Variants in RPSA2 observed in about 807,000 individuals in gnomAD.
The protein encoded by RPSA2 is ribosomal protein SA 2, also known as small ribosomal subunit protein uS2B.
the RPSA2 span, chr19:23,827,282 A>T: frequency 8.3e-6 from 9 of 1,079,436 alleles, no homozygotes; most frequent in African/African-American, 1.2e-4. Context: ...CATCTATAAA[A>T]GGAAAAGTGA....
the RPSA2 span, among the ~76,000 whole-genome samples, chr19:23,800,215 T>TTC: frequency 1.5e-5 from 1 of 68,700 alleles, no homozygotes; most frequent in Non-Finnish European, 3.3e-5. Context: ...TTTTATTTTT[T>TTC]TTTATTTTAG....
the RPSA2 span, among the ~76,000 whole-genome samples, chr19:23,867,829 CAAAAA>C: frequency 3.3e-5 from 4 of 121,366 alleles, no homozygotes; most frequent in South Asian, 2.9e-4. Flanking sequence ...GACTCCGTCT[CAAAAA>C]AAAAAAAAAA....
At chr19:23,815,699 T>G in the RPSA2 span, among the ~76,000 whole-genome samples, 1 of 152,220 alleles carries the variant, frequency 6.6e-6, no homozygotes, top group African/African-American at 2.4e-5. Context: ...TTTGTTTTCT[T>G]GTTGATTTTT....
chr19:23,821,533 C>A, the RPSA2 span, among the ~76,000 whole-genome samples: 8 of 152,200 alleles, frequency 5.3e-5, no homozygotes, highest in African/African-American at 1.9e-4. Flanking sequence ...ACCATGGGCT[C>A]CTGGGGGCCT....
chr19:23,813,563 A>G, the RPSA2 span, among the ~76,000 whole-genome samples: 1 of 152,066 alleles, frequency 6.6e-6, no homozygotes, highest in African/African-American at 2.4e-5. Context: ...ATAATATTCC[A>G]TTGTATCAAA....
the RPSA2 span, among the ~76,000 whole-genome samples, chr19:23,858,282 G>T: frequency 4.0e-5 from 6 of 149,420 alleles, no homozygotes; most frequent in South Asian, 6.6e-4. Context: ...TGGGTGATGA[G>T]AAATTACTTA....
At chr19:23,854,345 A>G in the RPSA2 span, among the ~76,000 whole-genome samples, 1 of 152,196 alleles carries the variant, frequency 6.6e-6, no homozygotes, top group African/African-American at 2.4e-5. Flanking sequence ...GGTACTACAG[A>G]GATCTACTGC....
the RPSA2 span, among the ~76,000 whole-genome samples, chr19:23,761,928 T>TTC: frequency 1.8e-5 from 1 of 54,298 alleles, no homozygotes; most frequent in Non-Finnish European, 3.3e-5. Flanking sequence ...TTCTTTTTTT[T>TTC]TTTTTTTGAG....
At chr19:23,831,596 G>A in the RPSA2 span, 1 of 168,428 alleles carries the variant, frequency 5.9e-6, no homozygotes, top group Non-Finnish European at 1.4e-5. Context: ...TATTTTTTTA[G>A]GTATATGCCC....
the RPSA2 span, among the ~76,000 whole-genome samples, chr19:23,828,731 G>C: frequency 6.6e-6 from 1 of 151,888 alleles, no homozygotes; most frequent in Non-Finnish European, 1.5e-5. Flanking sequence ...TTCTGATGTT[G>C]TTGAGGAGTG....
the RPSA2 span, among the ~76,000 whole-genome samples, chr19:23,791,104 A>G: frequency 5.9e-5 from 9 of 152,350 alleles, no homozygotes; most frequent in African/African-American, 2.2e-4. Flanking sequence ...ACTCAGGGTT[A>G]TTAAAAATGT....
the RPSA2 span, among the ~76,000 whole-genome samples, chr19:23,794,654 T>C: frequency 1.3e-5 from 2 of 152,348 alleles, no homozygotes; most frequent in East Asian, 1.9e-4. Context: ...ACTGTGTTGA[T>C]AGTTTCCTTT....
chr19:23,843,208 C>A, the RPSA2 span: 2 of 254,096 alleles, frequency 7.9e-6, no homozygotes, highest in South Asian at 4.5e-5. Context: ...CTGATCTGAT[C>A]TCCTGCCTTG....
chr19:23,863,778 C>A, the RPSA2 span, among the ~76,000 whole-genome samples: 2 of 152,150 alleles, frequency 1.3e-5, no homozygotes, highest in Non-Finnish European at 2.9e-5. Context: ...ATGAAATAAT[C>A]TCTAAACATA....
At chr19:23,854,938 A>G in the RPSA2 span, among the ~76,000 whole-genome samples, 2 of 152,204 alleles carry the variant, frequency 1.3e-5, no homozygotes, top group Non-Finnish European at 2.9e-5. Context: ...TCGCATTCTC[A>G]AAAGCCAACA....
chr19:23,836,939 C>A, the RPSA2 span, among the ~76,000 whole-genome samples: 1 of 152,062 alleles, frequency 6.6e-6, no homozygotes, highest in Non-Finnish European at 1.5e-5. Flanking sequence ...AGTTATCTGT[C>A]TATTCTGCTG....
chr19:23,844,458 G>A, the RPSA2 span, among the ~76,000 whole-genome samples: 1 of 152,074 alleles, frequency 6.6e-6, no homozygotes, highest in Non-Finnish European at 1.5e-5. Flanking sequence ...CTGAGATTAA[G>A]CATACTCATG....
At chr19:23,851,601 A>G in the RPSA2 span, among the ~76,000 whole-genome samples, 1 of 152,194 alleles carries the variant, frequency 6.6e-6, no homozygotes, top group Admixed American at 6.5e-5. Context: ...AATCAGAGAC[A>G]ATATTTAAAG....
chr19:23,827,107 G>T, the RPSA2 span: 1 of 749,878 alleles, frequency 1.3e-6, no homozygotes, highest in Non-Finnish European at 2.3e-6. Context: ...CCTGCAGAGG[G>T]GTCCATACGG....
Sources: gnomAD v4.1 joint callset for allele counts (sites outside exome capture counted in the v4.1 genomes callset) on GRCh38, gnomAD v4.1.1 for gene constraint, MANE v1.5 for transcripts, NCBI Gene and HGNC (gene_info 2026-07-23, HGNC 2026-07-21) for gene names.